MTUS2: variants seen among roughly 807,000 people sequenced by gnomAD.
The protein encoded by MTUS2 is microtubule associated scaffold protein 2.
Under a neutral mutation model 114.1 loss-of-function variants are expected in MTUS2, and 40 were observed. The ratio of observed to expected loss-of-function variants is 0.35; its 90% CI spans 0.27 to 0.46. The LOEUF (loss-of-function observed/expected upper bound fraction) is 0.46, where lower values mean the gene tolerates loss of function less well. MTUS2 is among the 20% of genes least tolerant of loss of function. The pLI, the probability that MTUS2 is intolerant of heterozygous loss-of-function variation, is 1.00. For missense variants in MTUS2, 1,679 were observed against 1,705.4 expected, an observed-to-expected ratio of 0.98 and a Z score of 0.27; for synonymous variants, 688 against 672.0, an observed-to-expected ratio of 1.02 and a Z score of -0.37.
intron 2 of MTUS2, among the ~76,000 whole-genome samples, chr13:28,857,704 A>C (rs567421819): frequency 6.6e-6 from 1 of 152,352 alleles, no homozygotes; most frequent in East Asian, 1.9e-4. Flanking sequence ...TATGTAAGAA[A>C]GTACTTAGGG....
intron 7 of MTUS2, among the ~76,000 whole-genome samples, chr13:29,358,473 G>A (rs762650731): frequency 1.3e-5 from 2 of 152,226 alleles, no homozygotes; most frequent in African/African-American, 2.4e-5. Flanking sequence ...GGGCTTTGCC[G>A]GCCATGGTAA....
chr13:29,097,590 A>G (rs1286279157), intron 4 of MTUS2, among the ~76,000 whole-genome samples: 4 of 152,226 alleles, frequency 2.6e-5, no homozygotes, highest in Non-Finnish European at 4.4e-5. Flanking sequence ...CGTATAACAA[A>G]GTACCATAGA....
chr13:29,164,111 C>T (rs1893215047), intron 5 of MTUS2, among the ~76,000 whole-genome samples: 1 of 152,152 alleles, frequency 6.6e-6, no homozygotes. Context: ...GGTATTTCCC[C>T]TTTTCCACAC....
intron 9 of MTUS2, among the ~76,000 whole-genome samples, chr13:29,446,010 A>G (rs1878254906): frequency 6.6e-6 from 1 of 152,122 alleles, no homozygotes; most frequent in Non-Finnish European, 1.5e-5. Context: ...CAATCCTCTA[A>G]TGACTTGTTC....
intron 1 of MTUS2, among the ~76,000 whole-genome samples, chr13:28,835,715 A>T (rs1202006468): frequency 6.6e-6 from 1 of 152,200 alleles, no homozygotes; most frequent in African/African-American, 2.4e-5. Flanking sequence ...TGAGAGTTTT[A>T]GTTCCCCCCA....
intron 5 of MTUS2, among the ~76,000 whole-genome samples, chr13:29,215,393 TCTGTGCCTGTG>T (rs889118602): frequency 6.6e-6 from 1 of 151,976 alleles, no homozygotes; most frequent in Admixed American, 6.6e-5. Flanking sequence ...TCTGTGCAGT[TCTGTGCCTGTG>T]CTGGTGAGGA....
At chr13:29,489,206 A>G (rs1279975001) in intron 11 of MTUS2, among the ~76,000 whole-genome samples, 1 of 152,178 alleles carries the variant, frequency 6.6e-6, no homozygotes, top group East Asian at 1.9e-4. Flanking sequence ...TGGGAGGCAG[A>G]GGTTGCAGTG....
At chr13:29,186,962 T>C (rs1169007754) in intron 5 of MTUS2, among the ~76,000 whole-genome samples, 1 of 151,992 alleles carries the variant, frequency 6.6e-6, no homozygotes, top group Admixed American at 6.6e-5. Flanking sequence ...TGAAAGAAAT[T>C]TGGGAAATTT....
At chr13:28,822,117 T>G (rs571380363) in intron 1 of MTUS2, among the ~76,000 whole-genome samples, 4 of 152,222 alleles carry the variant, frequency 2.6e-5, no homozygotes, top group Non-Finnish European at 5.9e-5. Flanking sequence ...ACTAGTAAAT[T>G]AAGTGCAAAA....
intron 5 of MTUS2, among the ~76,000 whole-genome samples, chr13:29,183,761 G>A (rs967486646): frequency 3.9e-5 from 6 of 152,290 alleles, no homozygotes; most frequent in East Asian, 1.9e-4. Flanking sequence ...TACTTAAAAA[G>A]TGATCGGTTG....
chr13:28,941,534 AT>A (rs1259087379), intron 2 of MTUS2, among the ~76,000 whole-genome samples: 1 of 151,822 alleles, frequency 6.6e-6, no homozygotes. Context: ...AGTATTTTAT[AT>A]TTTTAAATAT....
At chr13:29,227,918 T>C in intron 5 of MTUS2, among the ~76,000 whole-genome samples, 1 of 152,342 alleles carries the variant, frequency 6.6e-6, no homozygotes, top group Non-Finnish European at 1.5e-5. Flanking sequence ...TTATGTAACT[T>C]TTGTATTCTA....
chr13:28,869,157 G>C (rs551872053), intron 2 of MTUS2, among the ~76,000 whole-genome samples: 1 of 152,154 alleles, frequency 6.6e-6, no homozygotes, highest in Admixed American at 6.5e-5. Context: ...AGAGTTCTTT[G>C]AAATCTTGAC....
chr13:29,484,387 C>T (rs533978889), intron 10 of MTUS2, among the ~76,000 whole-genome samples: 2 of 152,200 alleles, frequency 1.3e-5, no homozygotes, highest in Non-Finnish European at 2.9e-5. Flanking sequence ...CCCTGGGGGC[C>T]CTTGTCTCTC....
chr13:29,240,023 A>G (rs1222512580), intron 5 of MTUS2: 1 of 152,206 alleles, frequency 6.6e-6, no homozygotes, highest in South Asian at 2.1e-4. Context: ...TTCTTTGTGC[A>G]TGTGGTTTCT....
At chr13:28,855,572 G>C (rs1200274238) in intron 2 of MTUS2, among the ~76,000 whole-genome samples, 1 of 152,084 alleles carries the variant, frequency 6.6e-6, no homozygotes, top group African/African-American at 2.4e-5. Flanking sequence ...ATGGCTTCCA[G>C]CTCCACCCAT....
chr13:29,287,188 A>G (rs374113883), intron 6 of MTUS2, among the ~76,000 whole-genome samples: 13 of 152,208 alleles, frequency 8.5e-5, no homozygotes, highest in East Asian at 3.9e-4. Flanking sequence ...TTTTCTTATA[A>G]TAATAGTATA....
intron 2 of MTUS2, among the ~76,000 whole-genome samples, chr13:28,920,454 G>A (rs540971146): frequency 6.6e-6 from 1 of 152,234 alleles, no homozygotes; most frequent in South Asian, 2.1e-4. Context: ...AGGGGTGAGG[G>A]GACACTGTGC....
chr13:28,994,467 G>C (rs1885001001), intron 2 of MTUS2, among the ~76,000 whole-genome samples: 1 of 152,146 alleles, frequency 6.6e-6, no homozygotes, highest in African/African-American at 2.4e-5. Context: ...GATCCCTGAG[G>C]AATCGCCACA....
Sources: gnomAD v4.1 joint callset for allele counts (sites outside exome capture counted in the v4.1 genomes callset) on GRCh38, gnomAD v4.1.1 for gene constraint, MANE v1.5 for transcripts, NCBI Gene and HGNC (gene_info 2026-07-23, HGNC 2026-07-21) for gene names.